CARNMT1: variants seen among roughly 807,000 people sequenced by gnomAD.
CARNMT1 encodes the protein protein-L-histidine N-pros-methyltransferase CARNMT1.
In CARNMT1, 28 loss-of-function variants were observed where a neutral mutation model predicts 49.6. That is an observed-to-expected ratio of 0.56 (90% CI 0.42 to 0.77). The LOEUF (loss-of-function observed/expected upper bound fraction) is 0.77. CARNMT1 is among the 30% of genes least tolerant of loss of function. The pLI, the probability that CARNMT1 is intolerant of heterozygous loss-of-function variation, is 0.00. For missense variants in CARNMT1, 421 were observed against 512.6 expected, an observed-to-expected ratio of 0.82 and a Z score of 1.73; for synonymous variants, 178 against 175.0, an observed-to-expected ratio of 1.02 and a Z score of -0.13.
At position 74,985,091 on chromosome 9, in the gene CARNMT1, A is replaced by T. The variant is rs1281810286; in HGVS notation, c.1025-81T>A. ...GTTACACTGAATTCCAAGTTGAGTA[A>T]GTTAGGTACTGGATGAGACAAACAT... is the stretch of plus-strand genomic sequence containing the variant. On this transcript the variant is annotated intron_variant, in intron 6 of 7. Transcript: ENST00000376834. 3 of 1,038,072 alleles carry T rather than the reference A, an allele frequency of 2.9e-6. No individual in the cohort carries two copies. In the African/African-American group the frequency reaches 4.7e-5, roughly 16 times the overall value. The allele number at this position is 1,038,072 out of a possible 1,614,324, so 64.3% of individuals were successfully genotyped here.
intron 6 of CARNMT1, among the ~76,000 whole-genome samples, chr9:74,994,254 T>C (rs1256732781): frequency 6.6e-6 from 1 of 152,216 alleles, no homozygotes; most frequent in African/African-American, 2.4e-5. Context: ...ATTCCAGTCA[T>C]CAGAACTGTG....
chr9:75,021,340 T>C (rs1822350506), intron 1 of CARNMT1, among the ~76,000 whole-genome samples: 1 of 145,382 alleles, frequency 6.9e-6, no homozygotes, highest in African/African-American at 2.5e-5. Flanking sequence ...ATAGTATATA[T>C]ACTACTATAC....
intron 3 of CARNMT1, among the ~76,000 whole-genome samples, chr9:75,003,640 ATAATT>A (rs1387325581): frequency 1.3e-5 from 2 of 152,260 alleles, no homozygotes; most frequent in African/African-American, 2.4e-5. Flanking sequence ...TGACTGTAAC[ATAATT>A]TATCAAAATC....
At chr9:74,998,843 C>A in intron 4 of CARNMT1, 67 bp from the exon 5 acceptor site, 1 of 915,918 alleles carries the variant, frequency 1.1e-6, no homozygotes, top group Non-Finnish European at 1.6e-6. Context: ...ACTTTAAATA[C>A]TAAAAATATA....
chr9:75,001,631 G>A (rs927525453), intron 3 of CARNMT1, among the ~76,000 whole-genome samples: 1 of 152,134 alleles, frequency 6.6e-6, no homozygotes. Context: ...AAAATGATCA[G>A]GAACTATGCA....
chr9:75,005,475 CT>C (rs57445834), intron 3 of CARNMT1, among the ~76,000 whole-genome samples: 51,626 of 131,720 alleles, frequency 0.39, 7,976 homozygotes, highest in South Asian at 0.45. Context: ...AGTATATGAT[CT>C]TTTTTTTTTT....
At chr9:75,010,614 C>G (rs1833662349) in intron 3 of CARNMT1, among the ~76,000 whole-genome samples, 1 of 151,908 alleles carries the variant, frequency 6.6e-6, no homozygotes, top group South Asian at 2.1e-4. Context: ...ACTGGAATAC[C>G]AGAAGAGAAA....
chr9:74,985,113 A>T (rs1043339521), intron 6 of CARNMT1, 103 bp from the exon 7 acceptor site: 67 of 856,682 alleles, frequency 7.8e-5, no homozygotes, highest in Admixed American at 5.1e-5. Flanking sequence ...GATGAGACAA[A>T]CATAAAAAGT....
intron 3 of CARNMT1, among the ~76,000 whole-genome samples, chr9:75,014,062 A>T (rs1833778053): frequency 6.6e-6 from 1 of 151,736 alleles, no homozygotes; most frequent in Admixed American, 6.6e-5. Context: ...AAAAGGATGA[A>T]TAAACAAGAT....
chr9:75,009,094 G>C (rs1202992441), intron 3 of CARNMT1, among the ~76,000 whole-genome samples: 1 of 146,338 alleles, frequency 6.8e-6, no homozygotes, highest in Non-Finnish European at 1.5e-5. Flanking sequence ...CAAATGTATT[G>C]GGAAAACTGG....
chr9:75,020,414 C>T (rs532770021), intron 1 of CARNMT1, among the ~76,000 whole-genome samples: 4 of 151,580 alleles, frequency 2.6e-5, no homozygotes, highest in Admixed American at 6.6e-5. Flanking sequence ...ACTACAGGTG[C>T]GCGCCACCAT....
At chr9:74,997,274 T>C (rs1833215191) in intron 5 of CARNMT1, among the ~76,000 whole-genome samples, 1 of 152,196 alleles carries the variant, frequency 6.6e-6, no homozygotes, top group South Asian at 2.1e-4. Context: ...ACACCTAACA[T>C]CTTCCATCTC....
rs576172618 is a variant in CARNMT1 at position 74,984,124 on chromosome 9, C to T, written c.1129-256G>A. Among the ~76,000 whole-genome samples the T allele has an allele frequency of 1.2e-4, 19 of 152,248 alleles. No homozygotes were observed. The South Asian group carries it at 3.3e-3, about 27-fold the overall frequency. On this transcript the variant is annotated intron_variant, in intron 7 of 7. Transcript: ENST00000376834. ...TGAACTACTATAATATGTTGCTTCT[C>T]GTCATTCTTAAAAACAAACCTATTG...
chr9:75,010,361 G>A (rs1425721273), intron 3 of CARNMT1, among the ~76,000 whole-genome samples: 1 of 152,056 alleles, frequency 6.6e-6, no homozygotes, highest in East Asian at 1.9e-4. Flanking sequence ...CTGACCTCAA[G>A]TGATCCACTC....
At chr9:75,027,188 T>C in intron 1 of CARNMT1, 1 of 1,211,228 alleles carries the variant, frequency 8.3e-7, no homozygotes, top group South Asian at 1.3e-5. Context: ...TTTCAGCTCT[T>C]GGAATTATAA....
intron 5 of CARNMT1, among the ~76,000 whole-genome samples, chr9:74,998,381 C>T (rs1364770707): frequency 6.6e-6 from 1 of 152,144 alleles, no homozygotes. Flanking sequence ...TATTAATGGG[C>T]CCAACAGATT....
At chr9:75,027,008 TTTGCA>T in intron 1 of CARNMT1, 1 of 1,095,334 alleles carries the variant, frequency 9.1e-7, no homozygotes, top group Non-Finnish European at 1.2e-6. Context: ...ATAAAAAAAC[TTTGCA>T]TAAAGCACAG....
At position 74,982,408 on chromosome 9, in the gene CARNMT1, T is replaced by G. The variant is rs1371584297; in HGVS notation, c.*1359A>C. 6.6e-6 allele frequency: 1 copy of G among 152,166 alleles called. No homozygotes were observed. The highest frequency in any genetic ancestry group is 1.5e-5 in the Non-Finnish European group (1 of 68,038). The allele number at this position is 152,166 out of a possible 1,614,324, so 9.4% of individuals were successfully genotyped here. A position where few individuals can be genotyped will look rare whatever the true frequency, so the allele number is the denominator to read the frequency against. On this transcript the variant is annotated 3_prime_UTR_variant, in exon 8 of 8. Coordinates refer to ENST00000376834, the MANE Select transcript of CARNMT1 (RefSeq NM_152420.3). ...TAGTCATCTCTACTTTCCAAGCTAC[T>G]GGAAACAGAATATCATACATTAAAA...
At chr9:75,010,930 T>C (rs1477032060) in intron 3 of CARNMT1, among the ~76,000 whole-genome samples, 1 of 152,070 alleles carries the variant, frequency 6.6e-6, no homozygotes, top group East Asian at 1.9e-4. Flanking sequence ...GTACTGAATG[T>C]CCCTGAATTA....
Sources: allele counts gnomAD v4.1 joint callset (sites outside exome capture counted in the v4.1 genomes callset), GRCh38; gene constraint gnomAD v4.1.1; transcripts MANE v1.5; gene names NCBI Gene and HGNC (gene_info 2026-07-23, HGNC 2026-07-21).